The following GUCY1A1 variants were observed in gnomAD, a reference collection of about 807,000 sequenced individuals.
The protein encoded by GUCY1A1 is guanylate cyclase soluble subunit alpha-1.
GUCY1A1 carries 48 observed loss-of-function variants against 64.5 expected under a neutral mutation model. That is an observed-to-expected ratio of 0.74 (90% CI 0.59 to 0.95). The LOEUF is 0.95. GUCY1A1 is among the 40% of genes least tolerant of loss of function. GUCY1A1 has a pLI of 0.00. For synonymous variants in GUCY1A1, 308 were observed against 303.4 expected (o/e 1.02, Z -0.16); for missense variants, 804 against 825.3 (o/e 0.97, Z 0.32).
At chr4:155,702,898 T>A (rs1330352523) in intron 3 of GUCY1A1, among the ~76,000 whole-genome samples, 1 of 151,696 alleles carries the variant, frequency 6.6e-6, no homozygotes, top group African/African-American at 2.4e-5. Flanking sequence ...ATTTCTTAAC[T>A]TGGGACAGCA....
At chr4:155,667,497 TGGG>T (rs1733479165) in intron 2 of GUCY1A1, 78 bp downstream of exon 2, 1 of 152,244 alleles carries the variant, frequency 6.6e-6, no homozygotes, top group South Asian at 2.1e-4. Context: ...CCGCTTGGGC[TGGG>T]TCTCCTTCCT....
At chr4:155,682,416 C>A (rs951199097) in intron 2 of GUCY1A1, among the ~76,000 whole-genome samples, 1 of 152,104 alleles carries the variant, frequency 6.6e-6, no homozygotes, top group African/African-American at 2.4e-5. Context: ...GTGGCTCATG[C>A]CTGTAATTCC....
chr4:155,667,179 C>A, intron 1 of GUCY1A1, 167 bp from the exon 2 acceptor site: 1 of 152,226 alleles, frequency 6.6e-6, no homozygotes, highest in Non-Finnish European at 1.5e-5. Flanking sequence ...CACGCCGCGT[C>A]CCGCCTAGCC....
intron 2 of GUCY1A1, among the ~76,000 whole-genome samples, chr4:155,690,829 T>A (rs546252049): frequency 6.6e-6 from 1 of 152,332 alleles, no homozygotes; most frequent in South Asian, 2.1e-4. Context: ...TTGTAAGTTC[T>A]TGAGAGCAAG....
intron 2 of GUCY1A1, among the ~76,000 whole-genome samples, chr4:155,688,020 G>A (rs1729220388): frequency 6.6e-6 from 1 of 151,768 alleles, no homozygotes; most frequent in Admixed American, 6.6e-5. Context: ...TCAGGAGATC[G>A]AGACCATCCT....
chr4:155,722,554 A>G (rs1734108455), intron 9 of GUCY1A1: 5 of 519,862 alleles, frequency 9.6e-6, no homozygotes, highest in Non-Finnish European at 1.3e-5. Context: ...CAGCACAGTC[A>G]TAACCACAAG....
intron 2 of GUCY1A1, among the ~76,000 whole-genome samples, chr4:155,685,791 G>A (rs1579024219): frequency 6.6e-6 from 1 of 152,116 alleles, no homozygotes; most frequent in South Asian, 2.1e-4. Context: ...AATTTCCAAA[G>A]GCTGGATTAG....
chr4:155,675,570 T>A (rs1349105361), intron 2 of GUCY1A1, among the ~76,000 whole-genome samples: 2 of 151,594 alleles, frequency 1.3e-5, no homozygotes, highest in East Asian at 3.8e-4. Flanking sequence ...TAATTGTAAG[T>A]CATATTCCTC....
At chr4:155,700,722 G>T (rs79935535) in intron 3 of GUCY1A1, among the ~76,000 whole-genome samples, 4,272 of 152,190 alleles carry the variant, frequency 0.028, 101 homozygotes, top group Non-Finnish European at 0.042. Flanking sequence ...AATACTTCAG[G>T]TTCCAGTGAT....
intron 3 of GUCY1A1, among the ~76,000 whole-genome samples, chr4:155,701,103 A>C (rs920830384): frequency 6.6e-6 from 1 of 152,148 alleles, no homozygotes; most frequent in African/African-American, 2.4e-5. Flanking sequence ...CCAAGGTAGG[A>C]AACTCGATGC....
In GUCY1A1 at chr4:155,713,245, G is replaced by A. The variant is rs771092972; in HGVS notation, c.1234G>A (p.Val412Met). The A allele has an allele frequency of 1.2e-6, 2 of 1,614,158 alleles. No individual in the cohort carries two copies. The highest frequency in any genetic ancestry group is 1.7e-5 in the Admixed American group (1 of 60,028). ...DIPIHNALRDVVLIGEQARAQ... is the reference protein window; with the variant it reads ...DIPIHNALRDMVLIGEQARAQ... ...CCCAATTCACAATGCACTGAGGGAT[G>A]TGGTCTTAATAGGGGAACAAGCCCG... is the stretch of plus-strand genomic sequence containing the variant. Residue 412 changes from valine (V) to methionine (M), a missense_variant, in exon 7 of 10, where the codon GTG becomes ATG. Transcript: ENST00000506455.
chr4:155,729,015 A>G (rs925323841), intron 9 of GUCY1A1, among the ~76,000 whole-genome samples: 6 of 151,818 alleles, frequency 4.0e-5, no homozygotes, highest in Admixed American at 6.6e-5. Context: ...TGATGTACTG[A>G]TGAAAATTAA....
At chr4:155,670,969 C>A (rs1484498003) in intron 2 of GUCY1A1, among the ~76,000 whole-genome samples, 3 of 152,078 alleles carry the variant, frequency 2.0e-5, no homozygotes, top group African/African-American at 7.2e-5. Flanking sequence ...ATCTATTTAT[C>A]CCCTTTTGCT....
At chr4:155,683,815 G>A (rs968995573) in intron 2 of GUCY1A1, among the ~76,000 whole-genome samples, 2 of 152,180 alleles carry the variant, frequency 1.3e-5, no homozygotes, top group Non-Finnish European at 2.9e-5. Flanking sequence ...ATGATGAAGT[G>A]TGAAATTTGA....
Position 155,713,194 on chromosome 4 carries a change from G to A in GUCY1A1, c.1183G>A (p.Gly395Arg). Residue 395 changes from glycine to arginine, a missense_variant, in exon 7 of 10, where the codon GGA (glycine) becomes AGA (arginine). By Grantham distance (125) the Gly-to-Arg change is moderately radical (BLOSUM62 -2). Transcript: ENST00000506455. ...TGTGGACAGATTAGAAGATTTTACA[G>A]GACGAGGGCTCTACCTCTCAGACAT... is the stretch of plus-strand genomic sequence containing the variant. ...PCVDRLEDFT[G>R]RGLYLSDIPI... is the part of the protein sequence containing the mutation. 1.9e-6 allele frequency: 3 copies of A among 1,614,068 alleles called. No homozygotes were observed. The highest frequency in any genetic ancestry group is 1.7e-6 in the Non-Finnish European group (2 of 1,179,952).
intron 2 of GUCY1A1, among the ~76,000 whole-genome samples, chr4:155,672,701 A>G (rs1734310902): frequency 6.6e-6 from 1 of 152,226 alleles, no homozygotes; most frequent in South Asian, 2.1e-4. Flanking sequence ...AGTACCTGCA[A>G]TTAATGTCCA....
At chr4:155,669,988 C>T (rs1166536976) in intron 2 of GUCY1A1, among the ~76,000 whole-genome samples, 1 of 152,130 alleles carries the variant, frequency 6.6e-6, no homozygotes, top group Non-Finnish European at 1.5e-5. Flanking sequence ...GAATGAATCT[C>T]TACAAGTAAG....
rs540218895 is a variant in GUCY1A1 at position 155,667,220 on chromosome 4, C to A, written c.-186-126C>A. The A allele has an allele frequency of 2.6e-5, 4 of 152,128 alleles. No homozygotes were observed. The East Asian group carries it at 7.8e-4, about 30-fold the overall frequency. The allele number at this position is 152,128 out of a possible 1,614,324, so 9.4% of individuals were successfully genotyped here. ...AACAGGTAGACATGAGCGACCCAAGCGTAAGTGCCGCTGCCGCGAGTGCCC... is the reference window on the plus strand; with the variant it reads ...AACAGGTAGACATGAGCGACCCAAGAGTAAGTGCCGCTGCCGCGAGTGCCC... On this transcript the variant is annotated intron_variant, in intron 1 of 9. Transcript: ENST00000506455.
intron 2 of GUCY1A1, 121 bp downstream of exon 2, chr4:155,667,540 T>G (rs1733489688): frequency 6.6e-6 from 1 of 152,106 alleles, no homozygotes; most frequent in Admixed American, 6.6e-5. Flanking sequence ...ACGCTCCCAG[T>G]TGCCCAGCCC....
Sources: allele counts gnomAD v4.1 joint callset (sites outside exome capture counted in the v4.1 genomes callset), GRCh38; gene constraint gnomAD v4.1.1; transcripts MANE v1.5; gene names NCBI Gene and HGNC (gene_info 2026-07-23, HGNC 2026-07-21).